SMG1: variants seen among roughly 807,000 people sequenced by gnomAD.
SMG1 encodes SMG1 nonsense mediated mRNA decay associated PI3K related kinase, also known as serine/threonine-protein kinase SMG1.
A neutral mutation model predicts 419.9 loss-of-function variants in SMG1; 22 were observed. That is an observed-to-expected ratio of 0.05 (90% CI 0.04 to 0.07). SMG1 has a LOEUF of 0.07. SMG1 is among the 10% of genes least tolerant of loss of function. The pLI, the probability that SMG1 is intolerant of heterozygous loss-of-function variation, is 1.00. For missense variants in SMG1, 3,185 were observed against 4,342.0 expected, an observed-to-expected ratio of 0.73 and a Z score of 7.49; for synonymous variants, 1,538 against 1,553.5, an observed-to-expected ratio of 0.99 and a Z score of 0.23.
chr16:18,849,104 A>AAAAAAAAAAAAAAAAAAAC (rs1555493199), intron 36 of SMG1, 113 bp downstream of exon 36: 3 of 260,670 alleles, frequency 1.2e-5, no homozygotes, highest in Admixed American at 1.4e-4. Flanking sequence ...AAAAAAAAAA[A>AAAAAAAAAAAAAAAAAAAC]AACCCTACAA....
intron 19 of SMG1, among the ~76,000 whole-genome samples, 190 bp from the exon 20 acceptor site, chr16:18,869,493 A>C (rs2141582279): frequency 6.6e-6 from 1 of 152,284 alleles, no homozygotes; most frequent in East Asian, 1.9e-4. Flanking sequence ...AGGTTGAGGT[A>C]CAGTGTGGAA....
chr16:18,827,745 T>A (rs2032839389), intron 55 of SMG1, among the ~76,000 whole-genome samples: 1 of 145,420 alleles, frequency 6.9e-6, no homozygotes, highest in Non-Finnish European at 1.5e-5. Flanking sequence ...AATATATATT[T>A]TTATATATCT....
At chr16:18,813,659 T>C (rs1424913578) in intron 60 of SMG1, among the ~76,000 whole-genome samples, 3 of 152,188 alleles carry the variant, frequency 2.0e-5, no homozygotes, top group Non-Finnish European at 2.9e-5. Context: ...AGAAGCTCTT[T>C]AGTTTAATTA....
rs1254025593 is a variant in SMG1, at chr16:18,826,747, C to T, written c.9741+1284G>A. Among the ~76,000 whole-genome samples, 11 of 19,892 alleles carry T rather than the reference C, an allele frequency of 5.5e-4. 2 individuals are homozygous for T. The highest frequency in any genetic ancestry group is 1.3e-3 in the African/African-American group (8 of 6,098). 13.0% of individuals were successfully genotyped at this position (19,892 alleles called of 152,430 possible). On this transcript the variant is annotated intron_variant, in intron 55 of 62. Transcript: ENST00000446231. The stretch of plus-strand genomic sequence containing the variant: ...GCCCTGCCCCCAGAGGTGGAGCCTA[C>T]AGAGGCAGGCAGGCCTCCTTGAGCT...
chr16:18,920,582 C>CCCTTA (rs2038158830), intron 1 of SMG1, among the ~76,000 whole-genome samples: 2 of 152,036 alleles, frequency 1.3e-5, no homozygotes. Flanking sequence ...CACCTGTAAT[C>CCCTTA]CCAGCACTTT....
chr16:18,817,612 G>T, intron 56 of SMG1, 142 bp from the exon 57 acceptor site: 1 of 664,394 alleles, frequency 1.5e-6, no homozygotes, highest in Non-Finnish European at 2.5e-6. Context: ...TTGGGAAATA[G>T]ACCAAAACCT....
chr16:18,874,096 C>T (rs1432208256), intron 13 of SMG1, among the ~76,000 whole-genome samples: 1 of 152,138 alleles, frequency 6.6e-6, no homozygotes, highest in Non-Finnish European at 1.5e-5. Flanking sequence ...CCTTTTTCCT[C>T]CTAAAAACTT....
chr16:18,820,641 C>CT (rs1434777949), intron 55 of SMG1, among the ~76,000 whole-genome samples: 2 of 152,178 alleles, frequency 1.3e-5, no homozygotes, highest in Non-Finnish European at 2.9e-5. Context: ...CTCTACTTTC[C>CT]TGCATGTCCA....
In SMG1 at chr16:18,881,145, T is replaced by A. The variant is rs567139342; in HGVS notation, c.1293+1020A>T. On this transcript the variant is annotated intron_variant, in intron 10 of 62. Coordinates refer to ENST00000446231, the MANE Select transcript of SMG1 (RefSeq NM_015092.5). ...AAAAAAAATTAAATTAAATTAAATTTAAAAAAAAAAAACCACCATTCTACC... is the reference window on the plus strand; with the variant it reads ...AAAAAAAATTAAATTAAATTAAATTAAAAAAAAAAAAACCACCATTCTACC... 1.8e-3 allele frequency among the ~76,000 whole-genome samples: 257 copies of A among 139,060 alleles called. 2 individuals carry two copies. Among genetic ancestry groups the A allele is most frequent in the South Asian group, 0.015 (67 of 4,390 alleles). 91.2% of individuals were successfully genotyped at this position (139,060 alleles called of 152,430 possible).
intron 40 of SMG1, 83 bp downstream of exon 40, chr16:18,842,125 T>A: frequency 1.4e-6 from 2 of 1,409,146 alleles, no homozygotes; most frequent in Non-Finnish European, 1.9e-6. Flanking sequence ...TGAAATAATC[T>A]CCTACTATAC....
intron 23 of SMG1, 98 bp from the exon 24 acceptor site, chr16:18,864,242 C>CTCCA: frequency 9.0e-7 from 1 of 1,107,302 alleles, no homozygotes; most frequent in South Asian, 1.8e-5. Flanking sequence ...CTTGCCCAGG[C>CTCCA]TGGAGTGCAA....
At chr16:18,871,815 T>G (rs1311303478) in intron 15 of SMG1, among the ~76,000 whole-genome samples, 1 of 151,878 alleles carries the variant, frequency 6.6e-6, no homozygotes, top group Admixed American at 6.6e-5. Flanking sequence ...GGCGGGCACC[T>G]GTAATCGCGG....
At chr16:18,866,404 T>C (rs567915523) in intron 23 of SMG1, 9 of 586,172 alleles carry the variant, frequency 1.5e-5, no homozygotes, top group Admixed American at 6.1e-5. Context: ...TGTTTTACAG[T>C]GTGATTTGCC....
chr16:18,864,349 C>T (rs1209552797), intron 23 of SMG1, among the ~76,000 whole-genome samples: 3 of 151,962 alleles, frequency 2.0e-5, no homozygotes, highest in Non-Finnish European at 4.4e-5. Context: ...GCGCTCGCCA[C>T]CATGCCCGGC....
rs2036579951 is a variant in SMG1, at chr16:18,885,656, G to C, written c.833C>G (p.Thr278Ser). Residue 278 changes from threonine (T) to serine (S), a missense_variant, in exon 7 of 63, where the codon ACC becomes AGC. Coordinates refer to ENST00000446231, the MANE Select transcript of SMG1 (RefSeq NM_015092.5). ...ATTTTCAAGAATAGACTGCAGGCTGGTCATTACAAGCTTAAAAATAAAAAG... is the reference window on the plus strand; with the variant it reads ...ATTTTCAAGAATAGACTGCAGGCTGCTCATTACAAGCTTAAAAATAAAAAG... ...AFSSVMQLVM[T>S]SLQSILENVD... 1 of 1,595,868 alleles carries C rather than the reference G, an allele frequency of 6.3e-7. No individual in the cohort carries two copies. Among genetic ancestry groups the C allele is most frequent in the Non-Finnish European group, 8.5e-7 (1 of 1,179,524 alleles).
At chr16:18,925,000 C>T (rs1211956386) in intron 1 of SMG1, 1 of 152,062 alleles carries the variant, frequency 6.6e-6, no homozygotes, top group East Asian at 1.9e-4. Context: ...TAGGAGAGTT[C>T]CATGAATCAA....
intron 1 of SMG1, among the ~76,000 whole-genome samples, chr16:18,919,036 C>G (rs1567465811): frequency 6.6e-6 from 1 of 152,064 alleles, no homozygotes; most frequent in Non-Finnish European, 1.5e-5. Context: ...TCATAAAAAT[C>G]CTGGCCGTGG....
intron 56 of SMG1, among the ~76,000 whole-genome samples, chr16:18,818,563 T>C (rs891630043): frequency 2.6e-5 from 4 of 152,072 alleles, no homozygotes; most frequent in Non-Finnish European, 4.4e-5. Context: ...TCTTAATAGG[T>C]ATATACTGAA....
At chr16:18,905,265 C>T (rs2037515720) in intron 1 of SMG1, among the ~76,000 whole-genome samples, 2 of 151,894 alleles carry the variant, frequency 1.3e-5, no homozygotes, top group South Asian at 2.1e-4. Context: ...TGACTCAAAA[C>T]AAAAAACAAA....
Sources: gnomAD v4.1 joint callset for allele counts (sites outside exome capture counted in the v4.1 genomes callset) on GRCh38, gnomAD v4.1.1 for gene constraint, MANE v1.5 for transcripts, NCBI Gene and HGNC (gene_info 2026-07-23, HGNC 2026-07-21) for gene names.